SCOC: variants seen among roughly 807,000 people sequenced by gnomAD.
SCOC encodes the protein short coiled coil protein.
SCOC carries 7 observed loss-of-function variants against 9.9 expected under a neutral mutation model. That is an observed-to-expected ratio of 0.71 (90% CI 0.40 to 1.33). The LOEUF (loss-of-function observed/expected upper bound fraction) is 1.33, where lower values mean the gene tolerates loss of function less well. Ranked by LOEUF, SCOC falls within the 40% of genes most tolerant of loss-of-function variation. The pLI is 0.01. For missense variants in SCOC, 66 were observed against 89.7 expected (o/e 0.74, Z 1.07); for synonymous variants, 19 against 28.2 (o/e 0.67, Z 1.03).
intron 1 of SCOC, among the ~76,000 whole-genome samples, chr4:140,310,644 T>C (rs1412212465): frequency 6.6e-6 from 1 of 152,200 alleles, no homozygotes; most frequent in African/African-American, 2.4e-5. Flanking sequence ...TTGGGAAAAG[T>C]AGCTTTAGCC....
chr4:140,301,887 G>T (rs548689294), intron 1 of SCOC, among the ~76,000 whole-genome samples: 9 of 152,096 alleles, frequency 5.9e-5, no homozygotes, highest in African/African-American at 2.2e-4. Flanking sequence ...GCTGGAGTAC[G>T]GTGGTACAAT....
At chr4:140,279,974 G>A (rs1731062937) in intron 1 of SCOC, among the ~76,000 whole-genome samples, 1 of 152,168 alleles carries the variant, frequency 6.6e-6, no homozygotes, top group Admixed American at 6.5e-5. Context: ...TTATTGTGAA[G>A]GGAGAAAATG....
At chr4:140,328,242 A>G (rs1351764251) in intron 1 of SCOC, among the ~76,000 whole-genome samples, 1 of 152,178 alleles carries the variant, frequency 6.6e-6, no homozygotes, top group Non-Finnish European at 1.5e-5. Flanking sequence ...CTGGTCTATC[A>G]GTTCTTGAGG....
rs1011499270 is a variant in SCOC, at chr4:140,276,076, C to T, written c.-19+18666C>T. On this transcript the variant is annotated intron_variant, in intron 1 of 4. Coordinates refer to the SCOC transcript ENST00000394205. ...TGTAGTGCAGTGGCACTATTCGGCT[C>T]ACTGCAAGCTCCGCCTCCTGGGTTC... Among the ~76,000 whole-genome samples the T allele has an allele frequency of 4.6e-5, 7 of 152,154 alleles. 1 individual carries two copies. The South Asian group carries it at 1.0e-3, about 23-fold the overall frequency.
chr4:140,326,316 A>G (rs1427226970), intron 1 of SCOC, among the ~76,000 whole-genome samples: 2 of 152,174 alleles, frequency 1.3e-5, no homozygotes, highest in Non-Finnish European at 2.9e-5. Context: ...GTCTACAAAG[A>G]GTGAACTTTA....
intron 2 of SCOC, among the ~76,000 whole-genome samples, chr4:140,348,267 G>C (rs1415498342): frequency 6.6e-6 from 1 of 151,964 alleles, no homozygotes; most frequent in Non-Finnish European, 1.5e-5. Flanking sequence ...TATTCATCTT[G>C]TCGAATTGAA....
chr4:140,285,072 C>A, intron 1 of SCOC: 1 of 416,234 alleles, frequency 2.4e-6, no homozygotes. Context: ...TGCATTATTT[C>A]CCTCACAACA....
Position 140,379,624 on chromosome 4 carries a change from A to G in SCOC, c.78A>G (p.Gln26=). 1 of 1,612,890 alleles carries G rather than the reference A, an allele frequency of 6.2e-7. No individual in the cohort carries two copies. Residue 26 remains glutamine (Q), a synonymous_variant, in exon 3 of 4, where the codon CAA becomes CAG. Coordinates refer to ENST00000608372, the MANE Select transcript of SCOC (RefSeq NM_001153484.2). The part of the protein sequence containing the change: ...ELEEKTRLIN[Q]VLELQHTLED... ...AGGAAAAAACAAGACTTATTAATCA[A>G]GTGTTGGAACTCCAACACACACTTG... is the stretch of plus-strand genomic sequence containing the variant.
At chr4:140,366,342 G>T in intron 2 of SCOC, 1 of 1,315,012 alleles carries the variant, frequency 7.6e-7, no homozygotes, top group Non-Finnish European at 1.0e-6. Flanking sequence ...TTTCTGGGCA[G>T]GAAGCTTCTA....
At chr4:140,338,980 A>G (rs570087543), upstream of SCOC, among the ~76,000 whole-genome samples, 1 of 152,292 alleles carries the variant, frequency 6.6e-6, no homozygotes, top group South Asian at 2.1e-4. Context: ...GAAAAAGAGC[A>G]CACATTGCCA....
chr4:140,281,549 C>T (rs1359120795), intron 1 of SCOC, among the ~76,000 whole-genome samples: 2 of 152,162 alleles, frequency 1.3e-5, no homozygotes, highest in African/African-American at 2.4e-5. Flanking sequence ...ACTTAGGCAG[C>T]GCTGTTATTT....
chr4:140,329,371 C>G (rs1299616520), intron 1 of SCOC, among the ~76,000 whole-genome samples: 1 of 152,128 alleles, frequency 6.6e-6, no homozygotes, highest in Non-Finnish European at 1.5e-5. Flanking sequence ...TGGAAAAACC[C>G]TATTAGACAT....
upstream of SCOC, among the ~76,000 whole-genome samples, chr4:140,372,589 A>C (rs1435604357): frequency 1.3e-5 from 2 of 152,114 alleles, no homozygotes; most frequent in African/African-American, 4.8e-5. Context: ...AAATTTCCTC[A>C]AACTGAATAT....
chr4:140,258,814 A>G (rs1730567371), intron 1 of SCOC, among the ~76,000 whole-genome samples: 1 of 152,236 alleles, frequency 6.6e-6, no homozygotes, highest in African/African-American at 2.4e-5. Flanking sequence ...ATGGCGTATC[A>G]TATGTGCTGA....
chr4:140,317,544 AAG>A (rs1732359766), intron 1 of SCOC, among the ~76,000 whole-genome samples: 1 of 151,246 alleles, frequency 6.6e-6, no homozygotes, highest in South Asian at 2.1e-4. Flanking sequence ...AAGCCCTTAA[AAG>A]AGACAGGAAT....
At chr4:140,268,242 C>A (rs1730772243) in intron 1 of SCOC, among the ~76,000 whole-genome samples, 1 of 152,116 alleles carries the variant, frequency 6.6e-6, no homozygotes. Context: ...CATTCTTGGG[C>A]CCCATATAAC....
At chr4:140,293,582 A>G (rs553954199) in intron 1 of SCOC, among the ~76,000 whole-genome samples, 1 of 152,354 alleles carries the variant, frequency 6.6e-6, no homozygotes, top group East Asian at 1.9e-4. Context: ...TGGCCAGGCC[A>G]ATGGGAAGAC....
At chr4:140,370,732 T>A (rs1219762682), upstream of SCOC, among the ~76,000 whole-genome samples, 1 of 152,190 alleles carries the variant, frequency 6.6e-6, no homozygotes, top group Non-Finnish European at 1.5e-5. Context: ...TATGCCCCTT[T>A]ATCTAATTGT....
At chr4:140,324,046 C>A (rs140315557) in intron 1 of SCOC, among the ~76,000 whole-genome samples, 1 of 151,856 alleles carries the variant, frequency 6.6e-6, no homozygotes, top group Non-Finnish European at 1.5e-5. Context: ...TATAGCAGAT[C>A]CCAGGAAAGA....
Sources: allele counts gnomAD v4.1 joint callset (sites outside exome capture counted in the v4.1 genomes callset), GRCh38; gene constraint gnomAD v4.1.1; transcripts MANE v1.5; gene names NCBI Gene and HGNC (gene_info 2026-07-23, HGNC 2026-07-21).